Variants in BST1 observed in about 807,000 individuals in gnomAD.
BST1 encodes the protein ADP-ribosyl cyclase/cyclic ADP-ribose hydrolase 2.
In BST1, 49 loss-of-function variants were observed where a neutral mutation model predicts 40.6. The ratio of observed to expected loss-of-function variants is 1.21; its 90% CI spans 0.96 to 1.53. The LOEUF (loss-of-function observed/expected upper bound fraction) is 1.53, where lower values mean the gene tolerates loss of function less well. Ranked by LOEUF, BST1 falls within the 40% of genes most tolerant of loss-of-function variation. The pLI is 0.00. For synonymous variants in BST1, 157 were observed against 159.3 expected (o/e 0.99, Z 0.11); for missense variants, 423 against 395.9 (o/e 1.07, Z -0.58).
chr4:15,752,708 C>T, the BST1 span, among the ~76,000 whole-genome samples: 1 of 151,960 alleles, frequency 6.6e-6, no homozygotes, highest in African/African-American at 2.4e-5. Flanking sequence ...GCAAAGGCCC[C>T]GTGGTAGCCA....
At chr4:15,745,574 G>A in the BST1 span, among the ~76,000 whole-genome samples, 7,740 of 152,186 alleles carry the variant, frequency 0.051, 322 homozygotes, top group East Asian at 0.16. Flanking sequence ...GCCCTCTCTT[G>A]TTCTTGAGGT....
intron 4 of BST1, 30 bp from the exon 5 acceptor site, chr4:15,715,255 T>C (rs549108713): frequency 6.2e-7 from 1 of 1,602,480 alleles, no homozygotes; most frequent in Non-Finnish European, 8.5e-7. Context: ...CACGTCTTTA[T>C]TTGCTAAAAA....
At chr4:15,751,265 G>A in the BST1 span, among the ~76,000 whole-genome samples, 1 of 151,618 alleles carries the variant, frequency 6.6e-6, no homozygotes, top group Non-Finnish European at 1.5e-5. Flanking sequence ...CGGTGGTTAG[G>A]CCTGTGAGTG....
At chr4:15,705,987 T>G (rs1343943609) in intron 2 of BST1, among the ~76,000 whole-genome samples, 4 of 152,164 alleles carry the variant, frequency 2.6e-5, no homozygotes, top group Non-Finnish European at 5.9e-5. Context: ...TGGGAGCAGG[T>G]GTCTTACATG....
At position 15,703,230 on chromosome 4, in the gene BST1, G is replaced by GGGCGCGCGCGCGGT. The variant is rs1719641488; in HGVS notation, c.93_106dup (p.Gly36AlafsTer28). 1.3e-6 allele frequency: 2 copies of GGGCGCGCGCGCGGT among 1,545,662 alleles called. No individual in the cohort carries two copies. Among genetic ancestry groups the GGGCGCGCGCGCGGT allele is most frequent in the Non-Finnish European group, 1.7e-6 (2 of 1,147,324 alleles). ...CTACTGTTGCTGCTGGCGGCGGGCG[G>GGGCGCGCGCGCGGT]GGCGCGCGCGCGGTGGCGCGGGGAG... On this transcript the variant is annotated frameshift_variant, in exon 1 of 9. Transcript: ENST00000265016. LOFTEE classifies it high-confidence loss of function.
At chr4:15,759,074 G>A in the BST1 span, among the ~76,000 whole-genome samples, 1 of 151,910 alleles carries the variant, frequency 6.6e-6, no homozygotes, top group Non-Finnish European at 1.5e-5. Context: ...TAAGTTAACT[G>A]ACCTCTGTCT....
chr4:15,764,673 C>T, the BST1 span, among the ~76,000 whole-genome samples: 1 of 151,790 alleles, frequency 6.6e-6, no homozygotes, highest in African/African-American at 2.4e-5. Flanking sequence ...GGTGACGACA[C>T]CCTGATTTTC....
downstream of BST1, among the ~76,000 whole-genome samples, chr4:15,733,997 C>T (rs919691102): frequency 6.6e-6 from 1 of 152,220 alleles, no homozygotes; most frequent in Admixed American, 6.5e-5. Context: ...ACTGGTAAAT[C>T]TACACCATGG....
chr4:15,731,264 G>C (rs866681534), intron 8 of BST1: 8 of 495,316 alleles, frequency 1.6e-5, no homozygotes, highest in Non-Finnish European at 2.9e-5. Flanking sequence ...CCGAGGATTC[G>C]TGGGATCTGC....
intron 7 of BST1, 129 bp from the exon 8 acceptor site, chr4:15,722,746 G>C: frequency 1.4e-6 from 1 of 738,576 alleles, no homozygotes. Context: ...AATATTTTTA[G>C]AGGAAATAGT....
At chr4:15,720,496 A>T (rs1720749301) in intron 7 of BST1, among the ~76,000 whole-genome samples, 1 of 151,982 alleles carries the variant, frequency 6.6e-6, no homozygotes, top group Non-Finnish European at 1.5e-5. Context: ...TGGTGCCTGT[A>T]ATCCCAGCTA....
intron 1 of BST1, among the ~76,000 whole-genome samples, chr4:15,704,551 G>T (rs939063527): frequency 4.1e-5 from 6 of 146,938 alleles, no homozygotes; most frequent in African/African-American, 1.5e-4. Context: ...TGTGTGTGTG[G>T]TCTAGAGGTG....
At chr4:15,741,451 A>G (rs1721740265), downstream of BST1, among the ~76,000 whole-genome samples, 2 of 152,226 alleles carry the variant, frequency 1.3e-5, no homozygotes, top group South Asian at 4.1e-4. Flanking sequence ...CACATCCTCA[A>G]TAACCTTCAT....
chr4:15,766,078 C>G, the BST1 span, among the ~76,000 whole-genome samples: 9 of 152,046 alleles, frequency 5.9e-5, no homozygotes, highest in Admixed American at 2.0e-4. Flanking sequence ...GTGCAGTGCC[C>G]TCTAAGCACC....
At chr4:15,716,113 T>C (rs1720502281) in intron 6 of BST1, among the ~76,000 whole-genome samples, 1 of 152,206 alleles carries the variant, frequency 6.6e-6, no homozygotes, top group Admixed American at 6.5e-5. Flanking sequence ...CAGTTTCTCC[T>C]TCTGGTCATT....
intron 8 of BST1, among the ~76,000 whole-genome samples, chr4:15,728,603 C>A (rs1721232478): frequency 1.3e-5 from 2 of 150,838 alleles, no homozygotes; most frequent in Admixed American, 1.3e-4. Context: ...CAGGAGCAAG[C>A]CAGCACTACT....
chr4:15,732,696 G>C lies in BST1; in HGVS notation c.*851G>C, dbSNP rs1047358485. On this transcript the variant is annotated 3_prime_UTR_variant, in exon 9 of 9. Coordinates refer to ENST00000265016, the MANE Select transcript of BST1 (RefSeq NM_004334.3). ...TATTTACTGAAACTGTTTGGAACTT[G>C]TATTAGTTTGTTCTTGCATTGCTAT... The C allele has an allele frequency of 6.6e-6, 1 of 152,166 alleles. No homozygotes were observed. The highest frequency in any genetic ancestry group is 2.4e-5 in the African/African-American group (1 of 41,432). The allele number at this position is 152,166 out of a possible 1,614,324, so 9.4% of individuals were successfully genotyped here. A position where few individuals can be genotyped will look rare whatever the true frequency, so the allele number is the denominator to read the frequency against.
downstream of BST1, among the ~76,000 whole-genome samples, chr4:15,736,756 C>A (rs1276459180): frequency 6.6e-6 from 1 of 152,198 alleles, no homozygotes; most frequent in African/African-American, 2.4e-5. Context: ...GGATCTGGTA[C>A]CTTTGCTCAC....
chr4:15,726,165 A>T (rs1721103815), intron 8 of BST1, among the ~76,000 whole-genome samples: 1 of 129,766 alleles, frequency 7.7e-6, no homozygotes, highest in Non-Finnish European at 1.6e-5. Context: ...TGTAGAGATG[A>T]GGTCTCACTA....
Sources: allele counts gnomAD v4.1 joint callset (sites outside exome capture counted in the v4.1 genomes callset), GRCh38; gene constraint gnomAD v4.1.1; transcripts MANE v1.5; gene names NCBI Gene and HGNC (gene_info 2026-07-23, HGNC 2026-07-21).